The following AGRN variants were observed in gnomAD, a reference collection of about 807,000 sequenced individuals.
AGRN encodes agrin.
In AGRN, 106 loss-of-function variants were observed where a neutral mutation model predicts 211.0. The ratio of observed to expected loss-of-function variants is 0.50; its 90% confidence interval spans 0.43 to 0.59. The LOEUF (loss-of-function observed/expected upper bound fraction) is 0.59, where lower values mean the gene tolerates loss of function less well. Among genes scored for constraint, AGRN ranks in the 20% least tolerant of loss-of-function variants. The pLI, the probability that AGRN is intolerant of heterozygous loss-of-function variation, is 0.00. For synonymous variants in AGRN, 1,525 were observed against 1,332.5 expected, an observed-to-expected ratio of 1.14 and a Z score of -3.15; for missense variants, 3,040 against 2,982.6, an observed-to-expected ratio of 1.02 and a Z score of -0.45.
chr1:1,031,138 C>A lies in AGRN; in HGVS notation c.464-4139C>A, dbSNP rs1644666218. On this transcript the variant is annotated intron_variant, in intron 2 of 35. Coordinates refer to ENST00000379370, the MANE Select transcript of AGRN (RefSeq NM_198576.4). This position sits in a 1 kb window ranked among gnomAD's most constrained non-coding sequence, Gnocchi z 4.8. Reference sequence around the variant, plus strand: ...GTGCTGTGTGAGATGTGTGTGTGTGCAGTGCATGGTGCTGTGTGAGATTGT... The same window carrying A: ...GTGCTGTGTGAGATGTGTGTGTGTGAAGTGCATGGTGCTGTGTGAGATTGT... Among the ~76,000 whole-genome samples the A allele has an allele frequency of 7.7e-6, 1 of 130,550 alleles. No individual in the cohort carries two copies. Among genetic ancestry groups the A allele is most frequent in the Non-Finnish European group, 1.6e-5 (1 of 63,672 alleles). 85.6% of individuals were successfully genotyped at this position (130,550 alleles called of 152,430 possible).
At position 1,044,198 on chromosome 1, in the gene AGRN, G is replaced by A. The variant is rs148201851; in HGVS notation, c.2089G>A (p.Asp697Asn). Residue 697 changes from aspartate (D) to asparagine (N), a missense_variant, in exon 11 of 36, where the codon GAC (aspartate) becomes AAC (asparagine). Physicochemically the swap from Asp to Asn is conservative, Grantham distance 23. Transcript: ENST00000379370. ...CRQRGGIWDE[D>N]SEDGPCVCDF... is the part of the protein sequence containing the mutation. The stretch of plus-strand genomic sequence containing the variant: ...GCAGCGCGGTGGCATCTGGGACGAG[G>A]ACTCGGAGGACGGGCCGTGTGTCTG... 21 of 1,613,158 alleles carry A rather than the reference G, an allele frequency of 1.3e-5. No individual in the cohort carries two copies. Among genetic ancestry groups the A allele is most frequent in the Admixed American group, 1.7e-5 (1 of 60,034 alleles).
chr1:1,045,697 T>G, intron 14 of AGRN, 36 bp from the exon 15 acceptor site: 1 of 1,613,054 alleles, frequency 6.2e-7, no homozygotes, highest in Non-Finnish European at 8.5e-7. Context: ...CCCGTCCAGG[T>G]GCGGACATCA....
intron 34 of AGRN, 84 bp from the exon 35 acceptor site, chr1:1,054,364 C>A: frequency 8.0e-7 from 1 of 1,257,326 alleles, no homozygotes; most frequent in Non-Finnish European, 1.1e-6. Flanking sequence ...ACCTGCAGGG[C>A]ATAGGAAGGA....
chr1:1,047,505 ACC>A, intron 20 of AGRN, 51 bp downstream of exon 20: 5 of 1,612,804 alleles, frequency 3.1e-6, no homozygotes, highest in Non-Finnish European at 4.2e-6. Context: ...CTCCCCAGAT[ACC>A]CAGAGCAGCA....
chr1:1,041,510 C>G lies in AGRN; in HGVS notation c.985C>G (p.Arg329Gly), dbSNP rs1644936666. The G allele has an allele frequency of 1.9e-6, 3 of 1,599,822 alleles. No homozygotes were observed. Among genetic ancestry groups the G allele is most frequent in the Middle Eastern group, 3.3e-4 (2 of 6,056 alleles). Residue 329 changes from arginine (R) to glycine (G), a missense_variant, in exon 6 of 36, where the codon CGC becomes GGC. Coordinates refer to ENST00000379370, the MANE Select transcript of AGRN (RefSeq NM_198576.4). The stretch of plus-strand genomic sequence containing the variant: ...TCAGGGCGCCCTCCCTGACCCGAGC[C>G]GCAGCTGCCGTGTGAACCCGCGCAC... ...PCQGALPDPS[R>G]SCRVNPRTRR...
intron 2 of AGRN, among the ~76,000 whole-genome samples, chr1:1,024,973 C>T (rs1037491360): frequency 6.6e-6 from 1 of 152,078 alleles, no homozygotes; most frequent in Non-Finnish European, 1.5e-5. Context: ...GCTGAGCGGG[C>T]GACTCCTCCG....
chr1:1,053,179 C>CTGTCTGCACGTGGG (rs1049286917), intron 33 of AGRN: 1 of 308,902 alleles, frequency 3.2e-6, no homozygotes, highest in Non-Finnish European at 6.3e-6. Context: ...TGCTCCCCTG[C>CTGTCTGCACGTGGG]TGTCTGCACG....
At chr1:1,024,237 C>G (rs1379866252) in intron 2 of AGRN, among the ~76,000 whole-genome samples, 6 of 152,038 alleles carry the variant, frequency 3.9e-5, no homozygotes, top group African/African-American at 1.2e-4. Context: ...GGGGTGAGCC[C>G]TGAGGGACAA....
chr1:1,043,111 C>T (rs1024186351), intron 7 of AGRN, 128 bp from the exon 8 acceptor site: 15 of 1,054,374 alleles, frequency 1.4e-5, no homozygotes, highest in South Asian at 8.9e-5. Context: ...TGCATCTGGC[C>T]CTTCTCCTGT....
chr1:1,049,200 CG>C (rs1557716758), intron 24 of AGRN, 35 bp from the exon 25 acceptor site: 10 of 1,503,040 alleles, frequency 6.7e-6, no homozygotes, highest in Admixed American at 2.0e-5. Flanking sequence ...GGGACGGGGC[CG>C]GGCGATGGTC....
intron 2 of AGRN, among the ~76,000 whole-genome samples, chr1:1,030,968 T>A (rs1237490921): frequency 6.0e-5 from 6 of 100,372 alleles, no homozygotes; most frequent in African/African-American, 2.2e-4. Context: ...GAGATCAGCA[T>A]GTGTGTGTGT....
Position 1,040,819 on chromosome 1 carries a change from G to A in AGRN, c.666G>A (p.Glu222=). 4.6e-6 allele frequency: 7 copies of A among 1,537,450 alleles called. No individual in the cohort carries two copies. The highest frequency in any genetic ancestry group is 6.1e-6 in the Non-Finnish European group (7 of 1,147,622). ...SDASTYSNEC[E]LQRAQCSQQR... ...CCTCCACCTACAGCAACGAATGCGAGCTGCAGCGGGCGCAGTGCAGCCAGC... is the reference window on the plus strand; with the variant it reads ...CCTCCACCTACAGCAACGAATGCGAACTGCAGCGGGCGCAGTGCAGCCAGC... The change falls in exon 4 of 36, where the codon GAG becomes GAA. Residue 222 remains glutamate (E), a synonymous_variant. Transcript: ENST00000379370.
At chr1:1,049,506 G>A (rs1645210237) in intron 25 of AGRN, 55 bp downstream of exon 25, 3 of 1,596,192 alleles carry the variant, frequency 1.9e-6, no homozygotes, top group African/African-American at 2.7e-5. Flanking sequence ...GGGTCCCGGT[G>A]TACGAGGTGG....
chr1:1,038,182 C>A (rs564414054), intron 3 of AGRN, among the ~76,000 whole-genome samples: 2 of 152,348 alleles, frequency 1.3e-5, no homozygotes, highest in Admixed American at 1.3e-4. Context: ...GATCCACCCC[C>A]ACTCCACAGC....
rs763724066 is a variant in AGRN, at chr1:1,043,554, C to T, written c.1620C>T (p.Cys540=). The change falls in exon 9 of 36, where the codon TGC becomes TGT. Residue 540 remains cysteine (C), a synonymous_variant. Transcript: ENST00000379370. ...RKGPCDRCGQ[C]RFGALCEAET... ...CCTCCCCAGACCGCTGCGGGCAGTG[C>T]CGCTTTGGAGCCCTGTGCGAGGCCG... The T allele has an allele frequency of 1.2e-5, 20 of 1,604,760 alleles. No homozygotes were observed. The highest frequency in any genetic ancestry group is 2.5e-6 in the Non-Finnish European group (3 of 1,179,816).
In AGRN at chr1:1,045,993, A is replaced by T; in HGVS notation, c.2710A>T (p.Met904Leu). The change falls in exon 16 of 36, where the codon ATG (methionine) becomes TTG (leucine). Residue 904 changes from methionine (M) to leucine (L), a missense_variant. Transcript: ENST00000379370. ...TTCTGCGCCTGCGACCTGTGCGGAG[A>T]TGCGCTGTGAGTTCGGTGCGCGGTG... ...DASAPATCAE[M>L]RCEFGARCVE... 1 of 1,613,912 alleles carries T rather than the reference A, an allele frequency of 6.2e-7. No homozygotes were observed. Among genetic ancestry groups the T allele is most frequent in the Non-Finnish European group, 8.5e-7 (1 of 1,180,006 alleles).
chr1:1,054,659 G>A (rs906996011), intron 35 of AGRN, 108 bp downstream of exon 35: 35 of 1,481,594 alleles, frequency 2.4e-5, no homozygotes, highest in Non-Finnish European at 2.9e-5. Context: ...CATGTGAGCC[G>A]GCGGGCTGGG....
Position 1,051,842 on chromosome 1 carries a change from C to T in AGRN, c.5651+27C>T, listed in dbSNP as rs201994706. ...TAACGTGCCATCCTCTGCTGGCTGT[C>T]GGTTCCATCTGTGCCCTCGGGGCGG... On this transcript the variant is annotated intron_variant, in intron 33 of 35. Coordinates refer to ENST00000379370, the MANE Select transcript of AGRN (RefSeq NM_198576.4). 341 of 1,612,738 alleles carry T rather than the reference C, an allele frequency of 2.1e-4. 3 individuals carry two copies. In the African/African-American group the frequency reaches 3.7e-3, roughly 17 times the overall value.
chr1:1,050,933 T>G, intron 30 of AGRN, 96 bp downstream of exon 30: 1 of 1,539,530 alleles, frequency 6.5e-7, no homozygotes, highest in Non-Finnish European at 8.8e-7. Flanking sequence ...GAGCTGTTTT[T>G]CTGTCCTGTT....
Sources: gnomAD v4.1 joint callset for allele counts (sites outside exome capture counted in the v4.1 genomes callset) on GRCh38, gnomAD v4.1.1 for gene constraint, Gnocchi (gnomAD v3.1) non-coding constraint, MANE v1.5 for transcripts, NCBI Gene and HGNC (gene_info 2026-07-23, HGNC 2026-07-21) for gene names.